Variants in NOL10 observed in about 807,000 individuals in gnomAD.
The protein encoded by NOL10 is H_NH0074G24.1.
A neutral mutation model predicts 103.5 loss-of-function variants in NOL10; 58 were observed. That is an observed-to-expected ratio of 0.56 (90% confidence interval 0.45 to 0.70). NOL10 has a LOEUF of 0.70. NOL10 is among the 30% of genes least tolerant of loss of function. The pLI is 0.00. For synonymous variants in NOL10, 287 were observed against 282.5 expected, an observed-to-expected ratio of 1.02 and a Z score of -0.16; for missense variants, 763 against 807.3, an observed-to-expected ratio of 0.95 and a Z score of 0.67.
chr2:10,688,020 C>T (rs570523416), intron 1 of NOL10, among the ~76,000 whole-genome samples: 4 of 152,192 alleles, frequency 2.6e-5, no homozygotes, highest in African/African-American at 9.7e-5. Context: ...GCAGCACCAC[C>T]GTGCACCCAC....
intron 13 of NOL10, among the ~76,000 whole-genome samples, chr2:10,630,445 G>A (rs1677759353): frequency 6.6e-6 from 1 of 152,146 alleles, no homozygotes; most frequent in Non-Finnish European, 1.5e-5. Flanking sequence ...GGGCGCGATG[G>A]CTCACACCTA....
intron 1 of NOL10, among the ~76,000 whole-genome samples, 152 bp from the exon 2 acceptor site, chr2:10,684,764 C>G (rs988001095): frequency 6.6e-6 from 1 of 152,210 alleles, no homozygotes; most frequent in African/African-American, 2.4e-5. Context: ...CCTAACTCTA[C>G]TCGTAACGTA....
At chr2:10,647,746 T>A (rs776504380) in intron 12 of NOL10, among the ~76,000 whole-genome samples, 1 of 152,182 alleles carries the variant, frequency 6.6e-6, no homozygotes, top group Non-Finnish European at 1.5e-5. Flanking sequence ...ACCAAAGATA[T>A]TTATAGATGG....
Position 10,607,210 on chromosome 2 carries a change from G to T in NOL10, c.1128C>A (p.Val376=). Residue 376 remains valine, a synonymous_variant, in exon 14 of 21, where the codon GTC becomes GTA. Transcript: ENST00000381685. ...ESTVYDDYKF[V]TKKDLENLGL... ...CTAAATTTTCAAGGTCTTTCTTGGT[G>T]ACAAATTTATAATCATCATAGACTG... 1.3e-6 allele frequency: 2 copies of T among 1,578,652 alleles called. No individual in the cohort carries two copies. The highest frequency in any genetic ancestry group is 1.2e-5 in the South Asian group (1 of 84,462).
chr2:10,671,470 A>C, intron 6 of NOL10, 84 bp downstream of exon 6: 1 of 1,195,708 alleles, frequency 8.4e-7, no homozygotes, highest in Non-Finnish European at 1.1e-6. Context: ...AGTTACCTAA[A>C]CAGAGAAAAT....
chr2:10,638,396 A>AGTAAC (rs70953328), intron 13 of NOL10, among the ~76,000 whole-genome samples: 1 of 150,272 alleles, frequency 6.7e-6, no homozygotes. Context: ...AGCTGGGTGC[A>AGTAAC]GTATTTATTC....
intron 20 of NOL10, among the ~76,000 whole-genome samples, chr2:10,575,407 G>A (rs1674404875): frequency 6.6e-6 from 1 of 152,138 alleles, no homozygotes; most frequent in Non-Finnish European, 1.5e-5. Context: ...AAAGTTTACT[G>A]TAAACTAGAA....
At chr2:10,677,871 G>GTGTGTGTGTGTA (rs201387297) in intron 3 of NOL10, among the ~76,000 whole-genome samples, 1,592 of 145,972 alleles carry the variant, frequency 0.011, 15 homozygotes, top group Middle Eastern at 0.059. Context: ...GTGTGTGTGT[G>GTGTGTGTGTGTA]TATACACATA....
chr2:10,622,133 C>T, intron 13 of NOL10: 1 of 470,036 alleles, frequency 2.1e-6, no homozygotes, highest in Non-Finnish European at 4.4e-6. Flanking sequence ...GAGAACTGGA[C>T]AGCACTGGTT....
intron 4 of NOL10, 30 bp from the exon 5 acceptor site, chr2:10,673,587 T>C: frequency 6.8e-7 from 1 of 1,461,090 alleles, no homozygotes; most frequent in Non-Finnish European, 9.5e-7. Context: ...AAAAATACAA[T>C]TATCAAACAA....
intron 9 of NOL10, among the ~76,000 whole-genome samples, chr2:10,659,487 G>A (rs1259845362): frequency 6.6e-6 from 1 of 151,428 alleles, no homozygotes; most frequent in Non-Finnish European, 1.5e-5. Flanking sequence ...GACCAGCTTG[G>A]GTAACACAGT....
chr2:10,623,350 C>A (rs141757537), intron 13 of NOL10, among the ~76,000 whole-genome samples: 334 of 152,218 alleles, frequency 2.2e-3, no homozygotes, highest in African/African-American at 7.7e-3. Context: ...CTGAACGGAC[C>A]GGGGCTCGTG....
intron 4 of NOL10, among the ~76,000 whole-genome samples, chr2:10,673,895 T>A (rs141368343): frequency 6.6e-6 from 1 of 152,092 alleles, no homozygotes; most frequent in Non-Finnish European, 1.5e-5. Flanking sequence ...AACAAAAAAA[T>A]TGTTGCTTAA....
At chr2:10,663,176 G>C in intron 8 of NOL10, 132 bp from the exon 9 acceptor site, 1 of 620,674 alleles carries the variant, frequency 1.6e-6, no homozygotes, top group South Asian at 1.9e-5. Context: ...AGACTAGTCT[G>C]ACTAACATGG....
In NOL10 at chr2:10,668,732, T is replaced by G. The variant is rs1209056790; in HGVS notation, c.465-9A>C. On this transcript the variant is annotated splice_polypyrimidine_tract_variant and intron_variant, in intron 6 of 20. Transcript: ENST00000381685. ...ACCTATAAACTTCAGAACTGTAAAG[T>G]AATAAAGAAAGTTAAAAACCTGCTA... is the stretch of plus-strand genomic sequence containing the variant. 1 of 1,386,542 alleles carries G rather than the reference T, an allele frequency of 7.2e-7. No individual in the cohort carries two copies. The highest frequency in any genetic ancestry group is 2.5e-5 in the East Asian group (1 of 40,324). The allele number at this position is 1,386,542 out of a possible 1,614,324, so 85.9% of individuals were successfully genotyped here. A position where few individuals can be genotyped will look rare whatever the true frequency, so the allele number is the denominator to read the frequency against.
At chr2:10,664,928 A>G (rs897297878) in intron 8 of NOL10, among the ~76,000 whole-genome samples, 1 of 152,194 alleles carries the variant, frequency 6.6e-6, no homozygotes, top group Non-Finnish European at 1.5e-5. Context: ...AGGAAACAGG[A>G]ATAGGACAGG....
intron 10 of NOL10, among the ~76,000 whole-genome samples, chr2:10,658,692 C>T (rs1388233253): frequency 6.6e-6 from 1 of 152,166 alleles, no homozygotes; most frequent in African/African-American, 2.4e-5. Context: ...TGTCAATCTT[C>T]AAGAGTAAAA....
chr2:10,613,103 A>G (rs761257751), intron 13 of NOL10, among the ~76,000 whole-genome samples: 6 of 152,150 alleles, frequency 3.9e-5, no homozygotes, highest in Middle Eastern at 3.2e-3. Context: ...TTTCAGGAAT[A>G]AAACTGAAAC....
chr2:10,661,965 G>A (rs998179268), intron 9 of NOL10, among the ~76,000 whole-genome samples: 1 of 150,990 alleles, frequency 6.6e-6, no homozygotes, highest in African/African-American at 2.4e-5. Flanking sequence ...TTCTTCCTAT[G>A]ACTATGCTTG....
Sources: allele counts gnomAD v4.1 joint callset (sites outside exome capture counted in the v4.1 genomes callset), GRCh38; gene constraint gnomAD v4.1.1; transcripts MANE v1.5; gene names NCBI Gene and HGNC (gene_info 2026-07-23, HGNC 2026-07-21).